Variants in PPP2CA observed in about 807,000 individuals in gnomAD.
PPP2CA encodes the protein serine/threonine-protein phosphatase 2A catalytic subunit alpha isoform.
PPP2CA carries 5 observed loss-of-function variants against 38.8 expected under a neutral mutation model. The ratio of observed to expected loss-of-function variants is 0.13; its 90% CI spans 0.07 to 0.27. The LOEUF is 0.27. Among genes scored for constraint, PPP2CA ranks in the 10% least tolerant of loss-of-function variants. The pLI is 1.00. For missense variants in PPP2CA, 88 were observed against 389.7 expected (o/e 0.23, Z 6.52); for synonymous variants, 152 against 134.0 (o/e 1.13, Z -0.93).
intron 2 of PPP2CA, among the ~76,000 whole-genome samples, chr5:134,204,742 C>T (rs985256865): frequency 6.6e-6 from 1 of 152,024 alleles, no homozygotes; most frequent in Admixed American, 6.6e-5. Context: ...AGATAACAGG[C>T]GTGAACCACT....
chr5:134,204,937 AT>A (rs5871527), intron 2 of PPP2CA, among the ~76,000 whole-genome samples: 98 of 138,640 alleles, frequency 7.1e-4, no homozygotes, highest in Admixed American at 9.6e-4. Context: ...CTTCCTCGAT[AT>A]TTTTTTTTTT....
chr5:134,213,494 T>A (rs562309625), intron 1 of PPP2CA, among the ~76,000 whole-genome samples: 7 of 145,770 alleles, frequency 4.8e-5, no homozygotes, highest in African/African-American at 7.6e-5. Flanking sequence ...TACAAAAAAA[T>A]TAAAATATTA....
In PPP2CA at chr5:134,218,545, T is replaced by C. The variant is rs571029041; in HGVS notation, c.102+7215A>G. On this transcript the variant is annotated intron_variant, in intron 1 of 6. Coordinates refer to ENST00000481195, the MANE Select transcript of PPP2CA (RefSeq NM_002715.4). ...AATCTACTACACAACTGAGAAATGC[T>C]GCTATATATCTACTTATTAAAAAAT... Among the ~76,000 whole-genome samples, 46 of 152,332 alleles carry C rather than the reference T, an allele frequency of 3.0e-4. No homozygotes were observed. In the South Asian group the frequency reaches 9.1e-3, roughly 30 times the overall value.
chr5:134,217,644 G>A (rs572147120), intron 1 of PPP2CA, among the ~76,000 whole-genome samples: 57 of 152,322 alleles, frequency 3.7e-4, no homozygotes, highest in African/African-American at 1.3e-3. Flanking sequence ...TGATAAGTTA[G>A]TGTACAGGGC....
chr5:134,224,167 G>C (rs1489473949), intron 1 of PPP2CA: 3 of 365,530 alleles, frequency 8.2e-6, no homozygotes, highest in African/African-American at 4.3e-5. Context: ...AAATCGGTAA[G>C]ATCATCATGT....
intron 1 of PPP2CA, 146 bp from the exon 2 acceptor site, chr5:134,206,277 G>A (rs1192190938): frequency 7.3e-6 from 5 of 680,436 alleles, no homozygotes; most frequent in Non-Finnish European, 1.2e-5. Flanking sequence ...TAAAATAAGT[G>A]AGATATGATT....
intron 1 of PPP2CA, among the ~76,000 whole-genome samples, chr5:134,222,314 A>G (rs999309978): frequency 6.6e-6 from 1 of 152,204 alleles, no homozygotes; most frequent in African/African-American, 2.4e-5. Flanking sequence ...AACACCCTTT[A>G]AAATGAAACG....
intron 4 of PPP2CA, 145 bp from the exon 5 acceptor site, chr5:134,200,641 A>C: frequency 1.1e-6 from 1 of 887,256 alleles, no homozygotes; most frequent in African/African-American, 1.7e-5. Flanking sequence ...GTTGAAGTCA[A>C]ACATCTGCAT....
intron 1 of PPP2CA, among the ~76,000 whole-genome samples, chr5:134,215,916 A>G (rs1465935965): frequency 1.3e-5 from 2 of 152,192 alleles, no homozygotes; most frequent in Admixed American, 6.5e-5. Context: ...GGGTACTCCA[A>G]CGAAATCAGA....
rs116583855 is a variant in PPP2CA, at chr5:134,223,089, T to C, written c.102+2671A>G. Among the ~76,000 whole-genome samples, 932 of 152,326 alleles carry C rather than the reference T, an allele frequency of 6.1e-3. 11 individuals carry two copies. Among genetic ancestry groups the C allele is most frequent in the African/African-American group, 0.021 (853 of 41,568 alleles). ...AAATATTTCCCCTTCAAATCAGGCATTTAGGTGGGTAGAAGGAAGGCTTTT... is the reference window on the plus strand; with the variant it reads ...AAATATTTCCCCTTCAAATCAGGCACTTAGGTGGGTAGAAGGAAGGCTTTT... On this transcript the variant is annotated intron_variant, in intron 1 of 6. Transcript: ENST00000481195.
At chr5:134,200,602 G>T in intron 4 of PPP2CA, 106 bp from the exon 5 acceptor site, 1 of 1,232,496 alleles carries the variant, frequency 8.1e-7, no homozygotes, top group Non-Finnish European at 1.1e-6. Context: ...TTTGAGTGAT[G>T]TTTGTGGACA....
intron 1 of PPP2CA, among the ~76,000 whole-genome samples, chr5:134,216,116 A>G (rs1580648280): frequency 1.3e-5 from 2 of 152,250 alleles, no homozygotes; most frequent in Admixed American, 6.5e-5. Context: ...TTCTGGCACT[A>G]AAGTATACCA....
intron 2 of PPP2CA, 32 bp from the exon 3 acceptor site, chr5:134,202,053 T>C: frequency 7.2e-6 from 11 of 1,536,300 alleles, no homozygotes; most frequent in Non-Finnish European, 9.6e-6. Context: ...CATAAACAAC[T>C]AGCTCTTTCA....
At chr5:134,208,027 C>A (rs1436347179) in intron 1 of PPP2CA, among the ~76,000 whole-genome samples, 1 of 152,068 alleles carries the variant, frequency 6.6e-6, no homozygotes, top group East Asian at 1.9e-4. Context: ...GTTTTTTTAA[C>A]ACCTATCATA....
chr5:134,225,594 G>A (rs531244440), intron 1 of PPP2CA, 166 bp downstream of exon 1: 1 of 534,256 alleles, frequency 1.9e-6, no homozygotes. Flanking sequence ...GGAGGCAGGG[G>A]GCGCCGGGTC....
chr5:134,216,718 G>A (rs908962250), intron 1 of PPP2CA, among the ~76,000 whole-genome samples: 1 of 151,972 alleles, frequency 6.6e-6, no homozygotes, highest in East Asian at 1.9e-4. Flanking sequence ...TGCCCAAGCT[G>A]GTCTCAAACT....
intron 2 of PPP2CA, 183 bp downstream of exon 2, chr5:134,205,739 G>C: frequency 1.8e-6 from 1 of 561,102 alleles, no homozygotes; most frequent in Non-Finnish European, 3.2e-6. Context: ...TTTTGATTCT[G>C]TACCATCCCC....
intron 1 of PPP2CA, among the ~76,000 whole-genome samples, chr5:134,212,116 C>T (rs74431470): frequency 2.9e-5 from 1 of 35,062 alleles, no homozygotes; most frequent in Non-Finnish European, 6.5e-5. Flanking sequence ...GACTCCATCT[C>T]AAAAATAGTA....
At chr5:134,201,714 T>C in intron 3 of PPP2CA, 134 bp downstream of exon 3, 1 of 1,018,306 alleles carries the variant, frequency 9.8e-7, no homozygotes, top group Non-Finnish European at 1.4e-6. Context: ...TTTTTAAGTT[T>C]GAATGAATGC....
Sources: gnomAD v4.1 joint callset for allele counts (sites outside exome capture counted in the v4.1 genomes callset) on GRCh38, gnomAD v4.1.1 for gene constraint, MANE v1.5 for transcripts, NCBI Gene and HGNC (gene_info 2026-07-23, HGNC 2026-07-21) for gene names.